FLNC: variants seen among roughly 807,000 people sequenced by gnomAD.
FLNC encodes the protein filamin-C.
Under a neutral mutation model 254.3 loss-of-function variants are expected in FLNC, and 91 were observed. That is an observed-to-expected ratio of 0.36 (90% CI 0.30 to 0.43). The LOEUF (loss-of-function observed/expected upper bound fraction) is 0.43, where lower values mean the gene tolerates loss of function less well. Among genes scored for constraint, FLNC ranks in the 20% least tolerant of loss-of-function variants. The probability of loss-of-function intolerance (pLI) is 1.00; values close to 1 mark genes in which losing one functional copy is unlikely to be tolerated. For missense variants in FLNC, 2,853 were observed against 3,802.6 expected (o/e 0.75, Z 6.57); for synonymous variants, 1,430 against 1,577.2 (o/e 0.91, Z 2.21).
Position 128,850,786 on chromosome 7 carries a change from C to T in FLNC, c.5399-17C>T, listed in dbSNP as rs930809365. ...GGGGGAAACCAGGGTCTCCACGTAA[C>T]TGTGTCTGCCCTGCAGGAGAGGTGC... On this transcript the variant is annotated splice_polypyrimidine_tract_variant and intron_variant, in intron 32 of 47. Transcript: ENST00000325888. 2.5e-6 allele frequency: 4 copies of T among 1,613,680 alleles called. No individual in the cohort carries two copies. The highest frequency in any genetic ancestry group is 2.2e-5 in the East Asian group (1 of 44,880).
Position 128,842,041 on chromosome 7 carries a change from A to T in FLNC, c.2122-190A>T, listed in dbSNP as rs1259761813. On this transcript the variant is annotated intron_variant, in intron 13 of 47. Transcript: ENST00000325888. The surrounding 1 kb of genome is among the most constrained non-coding windows in gnomAD (Gnocchi z 5.4). ...AGAGCAAGCCATACAGATGGCCTTG[A>T]GTCAGGCTCCCAGGGTGGGCTCTGG... is the stretch of plus-strand genomic sequence containing the variant. Among the ~76,000 whole-genome samples, 2 of 151,574 alleles carry T rather than the reference A, an allele frequency of 1.3e-5. No homozygotes were observed. Among genetic ancestry groups the T allele is most frequent in the African/African-American group, 4.9e-5 (2 of 41,210 alleles).
chr7:128,854,961 C>G (rs752728192), intron 42 of FLNC, 49 bp downstream of exon 42: 2 of 1,604,040 alleles, frequency 1.2e-6, no homozygotes, highest in Non-Finnish European at 1.7e-6. Flanking sequence ...ACCTTCCAGA[C>G]TGGGTTTCTG....
Position 128,844,996 on chromosome 7 carries a change from T to G in FLNC, c.3531T>G (p.Thr1177=). ...AGGTCGGTGAGGCAGCCACCTTCACTGTGGACTGCTCAGAGGCAGGCGAGG... is the reference window on the plus strand; with the variant it reads ...AGGTCGGTGAGGCAGCCACCTTCACGGTGGACTGCTCAGAGGCAGGCGAGG... The part of the protein sequence containing the change: ...RGKVGEAATF[T]VDCSEAGEAE... Residue 1177 remains threonine (T), a synonymous_variant, in exon 21 of 48, where the codon ACT becomes ACG. Coordinates refer to ENST00000325888, the MANE Select transcript of FLNC (RefSeq NM_001458.5). 1 of 1,613,776 alleles carries G rather than the reference T, an allele frequency of 6.2e-7. No homozygotes were observed.
Position 128,858,737 on chromosome 7 carries a change from C to G in FLNC, c.*214C>G. The stretch of plus-strand genomic sequence containing the variant: ...GTCTGTGTCAGGACAGTGTCCCTCC[C>G]TGGGAATGTGACATGAGGGCCGACT... On this transcript the variant is annotated 3_prime_UTR_variant, in exon 48 of 48. Transcript: ENST00000325888. The surrounding 1 kb of genome is among the most constrained non-coding windows in gnomAD (Gnocchi z 6.7). 3.4e-6 allele frequency: 2 copies of G among 587,978 alleles called. No individual in the cohort carries two copies. The highest frequency in any genetic ancestry group is 2.9e-5 in the Admixed American group (1 of 34,726). The allele number at this position is 587,978 out of a possible 1,614,324, so 36.4% of individuals were successfully genotyped here.
chr7:128,848,042 GTA>G lies in FLNC; in HGVS notation c.4556_4557del (p.Tyr1519CysfsTer2). 1 of 1,606,752 alleles carries G rather than the reference GTA, an allele frequency of 6.2e-7. No homozygotes were observed. Among genetic ancestry groups the G allele is most frequent in the Non-Finnish European group, 8.5e-7 (1 of 1,176,426 alleles). On this transcript the variant is annotated frameshift_variant, in exon 26 of 48. Transcript: ENST00000325888. LOFTEE classifies it high-confidence loss of function. Reference protein sequence around the residue: ...TDGPYTVAVKYADQEVPRSPF... With the variant: ...TDGPYTVAVKXADQEVPRSPF... ...ACGGGCCCTACACGGTAGCCGTCAA[GTA>G]TGCTGACCAGGAGGTGCCACGCAGG... is the stretch of plus-strand genomic sequence containing the variant.
chr7:128,847,284 C>T (rs1808605459), intron 24 of FLNC, among the ~76,000 whole-genome samples: 1 of 152,282 alleles, frequency 6.6e-6, no homozygotes, highest in African/African-American at 2.4e-5. Context: ...CTGCCCTCTG[C>T]AGACCCAGCT....
At position 128,858,874 on chromosome 7, in the gene FLNC, G is replaced by A. The variant is rs1234422308; in HGVS notation, c.*351G>A. The A allele has an allele frequency of 6.4e-5, 24 of 376,756 alleles. No homozygotes were observed. The highest frequency in any genetic ancestry group is 1.2e-4 in the Non-Finnish European group (24 of 199,354). 23.3% of individuals were successfully genotyped at this position (376,756 alleles called of 1,614,324 possible). A position where few individuals can be genotyped will look rare whatever the true frequency, so the allele number is the denominator to read the frequency against. On this transcript the variant is annotated 3_prime_UTR_variant, in exon 48 of 48. Coordinates refer to ENST00000325888, the MANE Select transcript of FLNC (RefSeq NM_001458.5). The surrounding 1 kb of genome is among the most constrained non-coding windows in gnomAD (Gnocchi z 6.7). ...GAGCAGTGGGGGAGCATTGTGTTGT[G>A]GGTGTCTGTGTGTGAGGTCACCCTC...
Position 128,856,698 on chromosome 7 carries a change from TG to T in FLNC, c.7385-43del. ...AACTCCCTTCCGGGCTGGGGCCTTC[TG>T]GGGAGGGGAAGGATGGAGGCTAAGC... On this transcript the variant is annotated intron_variant, in intron 44 of 47. Transcript: ENST00000325888. This position sits in a 1 kb window ranked among gnomAD's most constrained non-coding sequence, Gnocchi z 5.9. The T allele has an allele frequency of 6.2e-7, 1 of 1,613,972 alleles. No individual in the cohort carries two copies. The highest frequency in any genetic ancestry group is 8.5e-7 in the Non-Finnish European group (1 of 1,180,004).
At chr7:128,850,585 A>C in intron 32 of FLNC, 102 bp downstream of exon 32, 1 of 1,208,054 alleles carries the variant, frequency 8.3e-7, no homozygotes, top group Non-Finnish European at 1.2e-6. Flanking sequence ...AGAGAGAGGA[A>C]GTGAGCTCTA....
At chr7:128,840,415 G>A in intron 9 of FLNC, 133 bp from the exon 10 acceptor site, 1 of 1,214,096 alleles carries the variant, frequency 8.2e-7, no homozygotes, top group Non-Finnish European at 1.2e-6. Flanking sequence ...CCTGCCCTGA[G>A]TTGCAGCACT....
In FLNC at chr7:128,846,169, G is replaced by A. The variant is rs1222972913; in HGVS notation, c.3964+6G>A. On this transcript the variant is annotated splice_donor_region_variant and intron_variant, in intron 22 of 47. Transcript: ENST00000325888. ...GTACACCGCCTACGAGGAGGGTGAG[G>A]GCCGGTGGGCCAGGCTAGTGGGCAG... The A allele has an allele frequency of 1.2e-6, 2 of 1,614,064 alleles. No individual in the cohort carries two copies. Among genetic ancestry groups the A allele is most frequent in the South Asian group, 2.2e-5 (2 of 91,088 alleles).
intron 31 of FLNC, 28 bp downstream of exon 31, chr7:128,850,102 C>T: frequency 1.4e-6 from 2 of 1,404,350 alleles, no homozygotes; most frequent in African/African-American, 1.4e-5. Context: ...AGGCGATGTC[C>T]TCCTCCTCCT....
intron 1 of FLNC, among the ~76,000 whole-genome samples, chr7:128,834,609 T>A (rs1562990746): frequency 1.3e-5 from 2 of 152,166 alleles, no homozygotes; most frequent in Non-Finnish European, 2.9e-5. Context: ...CAATATTTAT[T>A]GAGACCTTAC....
rs773235735 is a variant in FLNC, at chr7:128,848,775, C to T, written c.4738-18C>T. 1.2e-6 allele frequency: 2 copies of T among 1,614,178 alleles called. No homozygotes were observed. The highest frequency in any genetic ancestry group is 1.1e-5 in the South Asian group (1 of 91,090). Reference sequence around the variant, plus strand: ...TGCTCCAGGCACAGGCGGGCCTTGACCTCTGCTTCTCCCTCAGGACCCCGA... The same window carrying T: ...TGCTCCAGGCACAGGCGGGCCTTGATCTCTGCTTCTCCCTCAGGACCCCGA... On this transcript the variant is annotated intron_variant, in intron 27 of 47. Coordinates refer to ENST00000325888, the MANE Select transcript of FLNC (RefSeq NM_001458.5).
Position 128,837,767 on chromosome 7 carries a change from C to A in FLNC, c.969+12C>A. ...GCCACACCGAGGAGGTATGCAGAGGCCGCTGGGGACAGAGGGATTCACTTG... is the reference window on the plus strand; with the variant it reads ...GCCACACCGAGGAGGTATGCAGAGGACGCTGGGGACAGAGGGATTCACTTG... On this transcript the variant is annotated intron_variant, in intron 5 of 47. Coordinates refer to ENST00000325888, the MANE Select transcript of FLNC (RefSeq NM_001458.5). 1 of 1,558,650 alleles carries A rather than the reference C, an allele frequency of 6.4e-7. No homozygotes were observed. Among genetic ancestry groups the A allele is most frequent in the Non-Finnish European group, 8.7e-7 (1 of 1,150,404 alleles).
At position 128,854,006 on chromosome 7, in the gene FLNC, C is replaced by T. The variant is rs767250474; in HGVS notation, c.6517C>T (p.Arg2173Cys). ...GTTCCAGATGGTGTCTGCCCAGGAGCGCCTGACACGCACCTTCACACGCAG... is the reference window on the plus strand; with the variant it reads ...GTTCCAGATGGTGTCTGCCCAGGAGTGCCTGACACGCACCTTCACACGCAG... ...NWFQMVSAQE[R>C]LTRTFTRSSH... Residue 2173 changes from arginine (R) to cysteine (C), a missense_variant, in exon 40 of 48, where the codon CGC becomes TGC. Transcript: ENST00000325888. 14 of 1,613,170 alleles carry T rather than the reference C, an allele frequency of 8.7e-6. No homozygotes were observed. Among genetic ancestry groups the T allele is most frequent in the African/African-American group, 1.3e-5 (1 of 74,932 alleles).
chr7:128,851,915 G>A (rs577812495), intron 35 of FLNC, among the ~76,000 whole-genome samples: 1 of 152,316 alleles, frequency 6.6e-6, no homozygotes, highest in East Asian at 1.9e-4. Flanking sequence ...ACCCAGGCTG[G>A]AGTACAGTGG....
chr7:128,856,924 G>T lies in FLNC; in HGVS notation c.7561+3G>T. ...TGGGCTCGAGGGAGGCACTACCGGTGAGTGCCTGGAGCTGGGGAACAGGGT... is the reference window on the plus strand; with the variant it reads ...TGGGCTCGAGGGAGGCACTACCGGTTAGTGCCTGGAGCTGGGGAACAGGGT... On this transcript the variant is annotated splice_donor_region_variant and intron_variant, in intron 45 of 47. Transcript: ENST00000325888. The surrounding 1 kb of genome is among the most constrained non-coding windows in gnomAD (Gnocchi z 5.9). 1 of 1,613,434 alleles carries T rather than the reference G, an allele frequency of 6.2e-7. No homozygotes were observed. Among genetic ancestry groups the T allele is most frequent in the Non-Finnish European group, 8.5e-7 (1 of 1,179,518 alleles).
chr7:128,852,324 G>A (rs1458178511), intron 35 of FLNC, among the ~76,000 whole-genome samples: 2 of 152,228 alleles, frequency 1.3e-5, no homozygotes, highest in East Asian at 1.9e-4. Flanking sequence ...GTGACTCAGG[G>A]TTAAAATGCA....
Sources: allele counts gnomAD v4.1 joint callset (sites outside exome capture counted in the v4.1 genomes callset), GRCh38; gene constraint gnomAD v4.1.1; non-coding constraint Gnocchi (gnomAD v3.1); transcripts MANE v1.5; gene names NCBI Gene and HGNC (gene_info 2026-07-23, HGNC 2026-07-21).